KLF12: variants seen among roughly 807,000 people sequenced by gnomAD.
KLF12 encodes the protein Krueppel-like factor 12.
Under a neutral mutation model 37.8 loss-of-function variants are expected in KLF12, and 9 were observed. That is an observed-to-expected ratio of 0.24 (90% confidence interval 0.14 to 0.42). The LOEUF (loss-of-function observed/expected upper bound fraction) is 0.42, where lower values mean the gene tolerates loss of function less well. Ranked by LOEUF, KLF12 falls within the 10% of genes least tolerant of loss-of-function variation. KLF12 has a pLI of 1.00. For missense variants in KLF12, 411 were observed against 516.0 expected (o/e 0.80, Z 1.97); for synonymous variants, 208 against 202.1 (o/e 1.03, Z -0.25).
intron 2 of KLF12, among the ~76,000 whole-genome samples, chr13:73,976,836 C>T (rs1891537923): frequency 6.6e-6 from 1 of 152,098 alleles, no homozygotes; most frequent in South Asian, 2.1e-4. Flanking sequence ...AGTACACCTA[C>T]TTAGCATAGT....
At chr13:73,964,641 T>C (rs1409354441) in intron 2 of KLF12, among the ~76,000 whole-genome samples, 7 of 151,296 alleles carry the variant, frequency 4.6e-5, no homozygotes, top group African/African-American at 1.7e-4. Context: ...GTCATTCTAG[T>C]TTTAGTGTAT....
chr13:73,913,211 A>G (rs1482104791), intron 3 of KLF12, among the ~76,000 whole-genome samples: 1 of 152,080 alleles, frequency 6.6e-6, no homozygotes, highest in African/African-American at 2.4e-5. Flanking sequence ...GCATTTTCAC[A>G]CTTTCTTCTT....
At chr13:74,141,998 G>A in the KLF12 span, among the ~76,000 whole-genome samples, 1 of 152,038 alleles carries the variant, frequency 6.6e-6, no homozygotes, top group African/African-American at 2.4e-5. Flanking sequence ...ATATACCATT[G>A]GCTTACAAGT....
At chr13:73,772,458 C>T (rs2875665) in intron 5 of KLF12, among the ~76,000 whole-genome samples, 6 of 152,172 alleles carry the variant, frequency 3.9e-5, no homozygotes, top group Non-Finnish European at 8.8e-5. Context: ...TGGAGTGAAC[C>T]TGGGAGTTTC....
At chr13:73,827,313 C>T (rs1299949541) in intron 4 of KLF12, among the ~76,000 whole-genome samples, 1 of 152,142 alleles carries the variant, frequency 6.6e-6, no homozygotes, top group Non-Finnish European at 1.5e-5. Context: ...ATCAATTTTA[C>T]CAAATATTGC....
chr13:73,943,023 A>G (rs1051747869), intron 3 of KLF12, among the ~76,000 whole-genome samples: 1 of 152,186 alleles, frequency 6.6e-6, no homozygotes, highest in Admixed American at 6.5e-5. Flanking sequence ...TAACCCTTTG[A>G]GTGGGATCCC....
chr13:73,830,706 C>G (rs1475757561), intron 4 of KLF12, among the ~76,000 whole-genome samples: 1 of 152,100 alleles, frequency 6.6e-6, no homozygotes, highest in African/African-American at 2.4e-5. Context: ...ACTACCACAA[C>G]GAGGCAAGAT....
intron 5 of KLF12, among the ~76,000 whole-genome samples, chr13:73,805,751 T>G (rs1253987799): frequency 6.6e-6 from 1 of 152,040 alleles, no homozygotes; most frequent in Admixed American, 6.5e-5. Context: ...GTTTTATGCG[T>G]ATTGGAGTCC....
chr13:74,297,460 G>A, the KLF12 span, among the ~76,000 whole-genome samples: 2 of 152,176 alleles, frequency 1.3e-5, no homozygotes, highest in Non-Finnish European at 2.9e-5. Flanking sequence ...CTTTGTTCAG[G>A]AAGTATCTCA....
chr13:74,241,660 T>A, the KLF12 span, among the ~76,000 whole-genome samples: 3 of 152,140 alleles, frequency 2.0e-5, no homozygotes, highest in Non-Finnish European at 2.9e-5. Flanking sequence ...TGGTGCGCCG[T>A]TTTTTAAGCC....
the KLF12 span, chr13:74,259,917 T>C: frequency 6.6e-6 from 1 of 152,214 alleles, no homozygotes; most frequent in Non-Finnish European, 1.5e-5. Flanking sequence ...TAGGCATTGA[T>C]AAAAATTTGC....
Position 73,985,543 on chromosome 13 carries a change from A to G in KLF12, c.33+9447T>C, listed in dbSNP as rs536754875. ...AACCAGGCTCAGGGTCCCAAACCCC[A>G]GACTCTGTGTAACTACCATCCCCTT... On this transcript the variant is annotated intron_variant, in intron 2 of 7. Transcript: ENST00000377669. Among the ~76,000 whole-genome samples, 80 of 152,314 alleles carry G rather than the reference A, an allele frequency of 5.3e-4. 1 individual carries two copies. The highest frequency in any genetic ancestry group is 1.8e-3 in the African/African-American group (74 of 41,584).
At chr13:74,054,900 TAAAGA>T (rs1873155687) in intron 1 of KLF12, among the ~76,000 whole-genome samples, 1 of 152,138 alleles carries the variant, frequency 6.6e-6, no homozygotes, top group South Asian at 2.1e-4. Context: ...GACTTAATAC[TAAAGA>T]AAATAAAAGT....
chr13:74,256,519 CT>C, the KLF12 span, among the ~76,000 whole-genome samples: 1 of 152,174 alleles, frequency 6.6e-6, no homozygotes, highest in South Asian at 2.1e-4. Flanking sequence ...ACAGGAGACA[CT>C]TCCATCAATA....
chr13:73,817,696 G>A (rs563313326), intron 4 of KLF12, among the ~76,000 whole-genome samples: 1 of 152,330 alleles, frequency 6.6e-6, no homozygotes, highest in South Asian at 2.1e-4. Flanking sequence ...ATGGCCAACT[G>A]TTGAAACCAG....
chr13:74,197,407 T>C, the KLF12 span, among the ~76,000 whole-genome samples: 6 of 152,044 alleles, frequency 3.9e-5, no homozygotes, highest in Non-Finnish European at 8.8e-5. Context: ...AAGTTAAAAT[T>C]TCAAGAGTGT....
At chr13:73,917,313 G>A (rs949055423) in intron 3 of KLF12, among the ~76,000 whole-genome samples, 3 of 152,122 alleles carry the variant, frequency 2.0e-5, no homozygotes, top group African/African-American at 7.2e-5. Flanking sequence ...TACCCCCTCT[G>A]CCTAGAGTGA....
chr13:73,775,093 T>C (rs1880527606), intron 5 of KLF12, among the ~76,000 whole-genome samples: 1 of 152,068 alleles, frequency 6.6e-6, no homozygotes, highest in South Asian at 2.1e-4. Flanking sequence ...AATTTTTGTA[T>C]TTTTAGTAGA....
At chr13:74,105,196 T>C (rs1876585854) in intron 1 of KLF12, among the ~76,000 whole-genome samples, 1 of 152,216 alleles carries the variant, frequency 6.6e-6, no homozygotes, top group South Asian at 2.1e-4. Context: ...TGACGGTCTA[T>C]AAGAAAGATC....
Sources: allele counts gnomAD v4.1 joint callset (sites outside exome capture counted in the v4.1 genomes callset), GRCh38; gene constraint gnomAD v4.1.1; transcripts MANE v1.5; gene names NCBI Gene and HGNC (gene_info 2026-07-23, HGNC 2026-07-21).